CSNK2A2IP: variants seen among roughly 807,000 people sequenced by gnomAD.
CSNK2A2IP encodes the protein casein kinase II subunit alpha'-interacting protein.
chr3:88,346,991 T>C, the CSNK2A2IP span, among the ~76,000 whole-genome samples: 1 of 151,998 alleles, frequency 6.6e-6, no homozygotes, highest in African/African-American at 2.4e-5. Context: ...GATATCACTA[T>C]TAACAGGAAA....
chr3:88,367,138 GT>G, the CSNK2A2IP span, among the ~76,000 whole-genome samples: 3 of 152,050 alleles, frequency 2.0e-5, no homozygotes, highest in Non-Finnish European at 4.4e-5. Context: ...AATATTGTAA[GT>G]TTAAATTTTA....
the CSNK2A2IP span, among the ~76,000 whole-genome samples, chr3:88,384,379 C>CAA: frequency 1.2e-4 from 17 of 142,918 alleles, no homozygotes; most frequent in Admixed American, 4.8e-4. Context: ...AAAAAAAAAA[C>CAA]AAAAAAACAA....
chr3:88,453,987 T>C, the CSNK2A2IP span, among the ~76,000 whole-genome samples: 1 of 152,084 alleles, frequency 6.6e-6, no homozygotes, highest in Non-Finnish European at 1.5e-5. Context: ...TACATGTATA[T>C]TTAACTTTTA....
the CSNK2A2IP span, among the ~76,000 whole-genome samples, chr3:88,404,006 C>T: frequency 1.3e-5 from 2 of 152,040 alleles, no homozygotes; most frequent in South Asian, 4.2e-4. Flanking sequence ...ACAAGTTCCA[C>T]ATACTTGGTA....
the CSNK2A2IP span, among the ~76,000 whole-genome samples, chr3:88,428,365 G>A: frequency 6.6e-5 from 10 of 152,142 alleles, no homozygotes; most frequent in Non-Finnish European, 1.5e-4. Flanking sequence ...TTGGGTTAGT[G>A]CTGGAATGAG....
the CSNK2A2IP span, chr3:88,399,741 G>C: frequency 6.6e-6 from 1 of 152,162 alleles, no homozygotes; most frequent in Non-Finnish European, 1.5e-5. Context: ...AATTAGCGAA[G>C]CTGAACAAGA....
At chr3:88,359,082 A>G in the CSNK2A2IP span, among the ~76,000 whole-genome samples, 14 of 145,084 alleles carry the variant, frequency 9.6e-5, no homozygotes, top group Non-Finnish European at 3.0e-5. Flanking sequence ...CTTCTTTTCT[A>G]TCTCATTACT....
chr3:88,364,370 A>C, the CSNK2A2IP span, among the ~76,000 whole-genome samples: 2 of 151,928 alleles, frequency 1.3e-5, no homozygotes, highest in African/African-American at 2.4e-5. Flanking sequence ...ATAAAATATA[A>C]CTTTTAAATA....
the CSNK2A2IP span, among the ~76,000 whole-genome samples, chr3:88,427,322 G>T: frequency 1.3e-5 from 2 of 152,184 alleles, no homozygotes; most frequent in East Asian, 3.9e-4. Flanking sequence ...GCGTTCAAGA[G>T]GAAGCAGAGT....
chr3:88,436,042 T>A, the CSNK2A2IP span, among the ~76,000 whole-genome samples: 2 of 151,404 alleles, frequency 1.3e-5, no homozygotes, highest in East Asian at 3.9e-4. Context: ...GGGAAGAGAA[T>A]GCAAGAGAAA....
At chr3:88,422,136 T>A in the CSNK2A2IP span, among the ~76,000 whole-genome samples, 1 of 152,174 alleles carries the variant, frequency 6.6e-6, no homozygotes, top group Non-Finnish European at 1.5e-5. Context: ...TTATTAGACT[T>A]TTTTTTGTAA....
At chr3:88,440,328 A>G in the CSNK2A2IP span, among the ~76,000 whole-genome samples, 1 of 152,198 alleles carries the variant, frequency 6.6e-6, no homozygotes, top group African/African-American at 2.4e-5. Context: ...AAAAGAATTG[A>G]GTAACAATAC....
the CSNK2A2IP span, among the ~76,000 whole-genome samples, chr3:88,401,637 T>C: frequency 6.6e-6 from 1 of 152,078 alleles, no homozygotes; most frequent in African/African-American, 2.4e-5. Context: ...AGGCTCTAAA[T>C]GGAGAGTTAA....
the CSNK2A2IP span, among the ~76,000 whole-genome samples, chr3:88,397,660 A>C: frequency 6.6e-6 from 1 of 152,122 alleles, no homozygotes; most frequent in African/African-American, 2.4e-5. Context: ...GATGTGTTAT[A>C]GTATTTATAT....
chr3:88,343,717 T>C, the CSNK2A2IP span, among the ~76,000 whole-genome samples: 4 of 151,896 alleles, frequency 2.6e-5, no homozygotes, highest in Non-Finnish European at 4.4e-5. Flanking sequence ...ACAAAAGTCA[T>C]TGGGAGACTG....
chr3:88,466,942 T>G, the CSNK2A2IP span: 1 of 1,231,344 alleles, frequency 8.1e-7, no homozygotes, highest in Non-Finnish European at 1.0e-6. Flanking sequence ...ACCAGAGACT[T>G]TCTCATCTTG....
At chr3:88,436,685 G>A in the CSNK2A2IP span, among the ~76,000 whole-genome samples, 1 of 152,138 alleles carries the variant, frequency 6.6e-6, no homozygotes, top group Non-Finnish European at 1.5e-5. Flanking sequence ...TCTAGCAAAT[G>A]CTATCTGATT....
At chr3:88,369,297 A>C in the CSNK2A2IP span, among the ~76,000 whole-genome samples, 1 of 151,872 alleles carries the variant, frequency 6.6e-6, no homozygotes, top group Non-Finnish European at 1.5e-5. Context: ...AGGAAAAATA[A>C]ATTTTTGGAT....
At chr3:88,448,383 T>C in the CSNK2A2IP span, among the ~76,000 whole-genome samples, 1 of 152,308 alleles carries the variant, frequency 6.6e-6, no homozygotes, top group Admixed American at 6.5e-5. Context: ...AACTATGTAT[T>C]TATACCTTTA....
Sources: gnomAD v4.1 joint callset for allele counts (sites outside exome capture counted in the v4.1 genomes callset) on GRCh38, gnomAD v4.1.1 for gene constraint, MANE v1.5 for transcripts, NCBI Gene and HGNC (gene_info 2026-07-23, HGNC 2026-07-21) for gene names.